Variants in GRM1 observed in about 807,000 individuals in gnomAD.
GRM1 encodes the protein metabotropic glutamate receptor 1.
Under a neutral mutation model 90.9 loss-of-function variants are expected in GRM1, and 33 were observed. The ratio of observed to expected loss-of-function variants is 0.36; its 90% CI spans 0.28 to 0.49. The LOEUF (loss-of-function observed/expected upper bound fraction) is 0.49, where lower values mean the gene tolerates loss of function less well. Ranked by LOEUF, GRM1 falls within the 20% of genes least tolerant of loss-of-function variation. The pLI, the probability that GRM1 is intolerant of heterozygous loss-of-function variation, is 0.99. For missense variants in GRM1, 1,190 were observed against 1,534.3 expected (o/e 0.78, Z 3.75); for synonymous variants, 700 against 613.2 (o/e 1.14, Z -2.09).
intron 2 of GRM1, among the ~76,000 whole-genome samples, chr6:146,251,400 T>G (rs1162753600): frequency 6.6e-6 from 1 of 152,226 alleles, no homozygotes; most frequent in Non-Finnish European, 1.5e-5. Context: ...GTCCTTGCAT[T>G]CATTCCATTT....
At chr6:146,149,309 T>C (rs1207704155) in intron 1 of GRM1, among the ~76,000 whole-genome samples, 1 of 152,130 alleles carries the variant, frequency 6.6e-6, no homozygotes, top group African/African-American at 2.4e-5. Context: ...AAGGTGACCA[T>C]GAGTGGACAG....
At chr6:146,221,171 T>A (rs983880113) in intron 2 of GRM1, among the ~76,000 whole-genome samples, 3 of 152,060 alleles carry the variant, frequency 2.0e-5, no homozygotes, top group Non-Finnish European at 4.4e-5. Flanking sequence ...GGTCAAGAAA[T>A]TTTTTTTGTA....
At chr6:146,150,939 C>CGT (rs1777309012) in intron 1 of GRM1, among the ~76,000 whole-genome samples, 1 of 6,170 alleles carries the variant, frequency 1.6e-4, no homozygotes, top group Admixed American at 1.3e-3. Context: ...CGTGTGCGCG[C>CGT]ACACACACAC....
chr6:146,177,708 A>G (rs1778385612), intron 2 of GRM1, among the ~76,000 whole-genome samples: 1 of 152,040 alleles, frequency 6.6e-6, no homozygotes, highest in Admixed American at 6.6e-5. Context: ...CATTTTTGCA[A>G]TTTGAGTTTG....
At chr6:146,319,492 T>C (rs1230928512) in intron 3 of GRM1, among the ~76,000 whole-genome samples, 1 of 152,154 alleles carries the variant, frequency 6.6e-6, no homozygotes, top group Non-Finnish European at 1.5e-5. Context: ...TAGTTTTTTC[T>C]AATTCTGTGA....
chr6:146,253,058 C>CAA (rs397826514), intron 2 of GRM1, among the ~76,000 whole-genome samples: 27 of 147,704 alleles, frequency 1.8e-4, no homozygotes, highest in East Asian at 1.6e-3. Flanking sequence ...ATCTCCATCT[C>CAA]AAAAAAAAAA....
intron 2 of GRM1, among the ~76,000 whole-genome samples, chr6:146,208,184 T>C (rs918607418): frequency 5.9e-5 from 9 of 152,174 alleles, no homozygotes; most frequent in Non-Finnish European, 1.3e-4. Flanking sequence ...ACTTAGATAA[T>C]ACAGGCATAT....
At chr6:146,280,539 AT>A (rs1357093243) in intron 2 of GRM1, among the ~76,000 whole-genome samples, 1 of 152,014 alleles carries the variant, frequency 6.6e-6, no homozygotes, top group African/African-American at 2.4e-5. Context: ...GAATTGTATA[AT>A]TTTTCTTACC....
chr6:146,392,482 T>G (rs1776762954), intron 6 of GRM1, among the ~76,000 whole-genome samples: 1 of 152,190 alleles, frequency 6.6e-6, no homozygotes, highest in Non-Finnish European at 1.5e-5. Flanking sequence ...ATGCAATCTT[T>G]GCATATGCAG....
intron 7 of GRM1, among the ~76,000 whole-genome samples, chr6:146,428,705 G>A (rs1778302108): frequency 1.3e-5 from 2 of 152,178 alleles, no homozygotes; most frequent in African/African-American, 4.8e-5. Context: ...CTCTGCTAAA[G>A]CAACGCCATG....
chr6:146,369,547 A>T (rs1775820435), intron 5 of GRM1, among the ~76,000 whole-genome samples: 1 of 151,716 alleles, frequency 6.6e-6, no homozygotes, highest in South Asian at 2.1e-4. Flanking sequence ...CTCAATTTTT[A>T]AATTTTCTTC....
At chr6:146,319,871 C>G (rs1380682772) in intron 3 of GRM1, among the ~76,000 whole-genome samples, 1 of 152,094 alleles carries the variant, frequency 6.6e-6, no homozygotes, top group African/African-American at 2.4e-5. Flanking sequence ...TGGGCTGAGT[C>G]GATGGGGTTT....
intron 1 of GRM1, among the ~76,000 whole-genome samples, chr6:146,085,912 A>G (rs1776526959): frequency 6.6e-6 from 1 of 152,134 alleles, no homozygotes; most frequent in Admixed American, 6.6e-5. Context: ...ATGACTGCTG[A>G]AAGTTCATGG....
At chr6:146,110,576 G>T (rs1315547298) in intron 1 of GRM1, among the ~76,000 whole-genome samples, 1 of 152,174 alleles carries the variant, frequency 6.6e-6, no homozygotes, top group Non-Finnish European at 1.5e-5. Flanking sequence ...CTTCCCATCT[G>T]TTTGTGCTCA....
At chr6:146,073,893 C>T (rs896713261) in intron 1 of GRM1, among the ~76,000 whole-genome samples, 5 of 151,846 alleles carry the variant, frequency 3.3e-5, no homozygotes, top group African/African-American at 7.3e-5. Context: ...ATCAGGTAAA[C>T]GTAGAGATGT....
At chr6:146,419,049 G>A (rs796227345) in intron 7 of GRM1, among the ~76,000 whole-genome samples, 4 of 152,174 alleles carry the variant, frequency 2.6e-5, no homozygotes, top group African/African-American at 9.6e-5. Context: ...GGAGTAAAAA[G>A]GATCACAGGA....
chr6:146,209,680 A>G (rs1173098549), intron 2 of GRM1, among the ~76,000 whole-genome samples: 4 of 152,152 alleles, frequency 2.6e-5, no homozygotes, highest in African/African-American at 9.7e-5. Context: ...GATGTTTGAG[A>G]CGTTATCATT....
rs531173743 is a variant in GRM1 at position 146,374,237 on chromosome 6, A to G, written c.1603-12653A>G. Among the ~76,000 whole-genome samples the G allele has an allele frequency of 2.6e-5, 4 of 152,242 alleles. No homozygotes were observed. The East Asian group carries it at 7.7e-4, about 29-fold the overall frequency. On this transcript the variant is annotated intron_variant, in intron 5 of 7. Transcript: ENST00000282753. The stretch of plus-strand genomic sequence containing the variant: ...AAATCCCTCTTGTTCATCATGAATG[A>G]TCTTTTTAATGTATTGTTGAATTCT...
chr6:146,433,974 G>A lies in GRM1; in HGVS notation c.2763G>A (p.Glu921=). ...TCTCTGTGCACGTGAAGACCAATGA[G>A]ACGGCCTGCAACCAAACAGCCGTCA... ...HRLSVHVKTN[E]TACNQTAVIK... Residue 921 remains glutamate, a synonymous_variant, in exon 8 of 8, where the codon GAG becomes GAA. Transcript: ENST00000282753. The A allele has an allele frequency of 6.2e-7, 1 of 1,614,098 alleles. No homozygotes were observed. Among genetic ancestry groups the A allele is most frequent in the South Asian group, 1.1e-5 (1 of 91,076 alleles).
Sources: gnomAD v4.1 joint callset for allele counts (sites outside exome capture counted in the v4.1 genomes callset) on GRCh38, gnomAD v4.1.1 for gene constraint, MANE v1.5 for transcripts, NCBI Gene and HGNC (gene_info 2026-07-23, HGNC 2026-07-21) for gene names.